The following RIPK4 variants were observed in gnomAD, a reference collection of about 807,000 sequenced individuals.
RIPK4 encodes the protein receptor-interacting serine/threonine-protein kinase 4.
A neutral mutation model predicts 42.9 loss-of-function variants in RIPK4; 17 were observed. The observed-to-expected ratio is 0.40, with a 90% confidence interval of 0.27 to 0.59. The LOEUF (loss-of-function observed/expected upper bound fraction) is 0.59. Among genes scored for constraint, RIPK4 ranks in the 20% least tolerant of loss-of-function variants. The pLI is 0.47. For missense variants in RIPK4, 897 were observed against 1,104.4 expected, an observed-to-expected ratio of 0.81 and a Z score of 2.66; for synonymous variants, 498 against 499.1, an observed-to-expected ratio of 1.00 and a Z score of 0.03.
chr21:41,739,615 G>A lies in RIPK4; in HGVS notation c.*1223C>T, dbSNP rs1474327671. 2.0e-5 allele frequency: 3 copies of A among 152,186 alleles called. No homozygotes were observed. Among genetic ancestry groups the A allele is most frequent in the African/African-American group, 2.4e-5 (1 of 41,420 alleles). The allele number at this position is 152,186 out of a possible 1,614,324, so 9.4% of individuals were successfully genotyped here. On this transcript the variant is annotated 3_prime_UTR_variant, in exon 8 of 8. Transcript: ENST00000332512. ...GGTACATGTTTGCACGCAGGGTCAC[G>A]TTCTGCAACAAACTTATTCTAATAA... is the stretch of plus-strand genomic sequence containing the variant.
chr21:41,756,812 G>A lies in RIPK4; in HGVS notation c.187C>T (p.Arg63Cys), dbSNP rs775922025. Residue 63 changes from arginine (R) to cysteine (C), a missense_variant, in exon 2 of 8, where the codon CGC becomes TGC. Transcript: ENST00000332512. ...SPSLHVDDRE[R>C]MELLEEAKKM... is the part of the protein sequence containing the mutation. ...TTGGCTTCTTCCAAAAGCTCCATGC[G>A]CTCCCTGAAAAAGTTCAAAGGCATG... is the stretch of plus-strand genomic sequence containing the variant. 1.1e-5 allele frequency: 17 copies of A among 1,611,190 alleles called. 1 individual carries two copies. The highest frequency in any genetic ancestry group is 5.5e-5 in the South Asian group (5 of 91,048).
chr21:41,760,195 T>G (rs2061216593), intron 1 of RIPK4, among the ~76,000 whole-genome samples: 1 of 152,236 alleles, frequency 6.6e-6, no homozygotes, highest in African/African-American at 2.4e-5. Flanking sequence ...AATAAACTAC[T>G]ACTGTCCAGA....
At chr21:41,756,282 C>T (rs901979377) in intron 2 of RIPK4, among the ~76,000 whole-genome samples, 3 of 152,204 alleles carry the variant, frequency 2.0e-5, no homozygotes, top group Non-Finnish European at 2.9e-5. Flanking sequence ...GGGGGAACAG[C>T]CCCCATGTTC....
chr21:41,747,518 G>C (rs760800690), intron 4 of RIPK4, among the ~76,000 whole-genome samples: 36 of 152,138 alleles, frequency 2.4e-4, no homozygotes, highest in Non-Finnish European at 4.1e-4. Flanking sequence ...CTGCCCTCCA[G>C]ATCCAAACAC....
intron 1 of RIPK4, among the ~76,000 whole-genome samples, chr21:41,757,701 T>C (rs1256366245): frequency 6.6e-6 from 1 of 151,498 alleles, no homozygotes. Flanking sequence ...CCAGCCATTT[T>C]TTAAAATAAA....
chr21:41,762,920 C>T (rs1037449674), intron 1 of RIPK4, among the ~76,000 whole-genome samples: 6 of 152,116 alleles, frequency 3.9e-5, no homozygotes, highest in Middle Eastern at 3.4e-3. Flanking sequence ...GTGAAGTCAA[C>T]GTTTCTGGGT....
chr21:41,766,227 CCGAGCCCCGGAGCTCCACCGCG>C (rs1252660859), intron 1 of RIPK4, among the ~76,000 whole-genome samples: 1 of 152,230 alleles, frequency 6.6e-6, no homozygotes, highest in African/African-American at 2.4e-5. Context: ...ACTGCCAGGC[CCGAGCCCCGGAGCTCCACCGCG>C]CAAGCGCCGG....
chr21:41,756,403 CAAG>C (rs2061203521), intron 2 of RIPK4, 119 bp downstream of exon 2: 2 of 1,261,440 alleles, frequency 1.6e-6, no homozygotes, highest in African/African-American at 1.5e-5. Flanking sequence ...CTCTTTCCTC[CAAG>C]AAGAACCACC....
chr21:41,746,124 G>A (rs2061170178), intron 5 of RIPK4: 1 of 689,822 alleles, frequency 1.4e-6, no homozygotes, highest in Non-Finnish European at 2.7e-6. Flanking sequence ...GTCACAGGGA[G>A]CAGAGCTGCC....
Position 41,749,213 on chromosome 21 carries a change from A to G in RIPK4, c.624-10T>C, listed in dbSNP as rs2061180812. ...GATGACGATCGCAAAGCTGGAAGAG[A>G]AACCAGGCACGTTAGCATCTGACAG... On this transcript the variant is annotated splice_polypyrimidine_tract_variant and intron_variant, in intron 3 of 7. Transcript: ENST00000332512. The G allele has an allele frequency of 1.9e-6, 3 of 1,613,842 alleles. No individual in the cohort carries two copies. The highest frequency in any genetic ancestry group is 2.5e-6 in the Non-Finnish European group (3 of 1,179,894).
Position 41,741,069 on chromosome 21 carries a change from G to A in RIPK4, c.2124C>T (p.His708=). The change falls in exon 8 of 8, where the codon CAC becomes CAT. Residue 708 remains histidine, a synonymous_variant. Coordinates refer to ENST00000332512, the MANE Select transcript of RIPK4 (RefSeq NM_020639.3). ...ARGPLNQTAL[H]LAAAHGHSEV... is the part of the protein sequence containing the mutation. ...CCGAGTGCCCGTGGGCGGCAGCCAGGTGCAGCGCCGTCTGGTTCAGGGGTC... is the reference window on the plus strand; with the variant it reads ...CCGAGTGCCCGTGGGCGGCAGCCAGATGCAGCGCCGTCTGGTTCAGGGGTC... The A allele has an allele frequency of 6.2e-7, 1 of 1,611,276 alleles. No homozygotes were observed.
rs921241092 is a variant in RIPK4 at position 41,742,893 on chromosome 21, C to T, written c.1196-896G>A. On this transcript the variant is annotated intron_variant, in intron 7 of 7. Coordinates refer to ENST00000332512, the MANE Select transcript of RIPK4 (RefSeq NM_020639.3). The surrounding 1 kb of genome is among the most constrained non-coding windows in gnomAD (Gnocchi z 5.1). ...GTATTTCTTTCTGCTCAGTCTTAGA[C>T]TTTGCCCTGACTCTCCTCCTCAAGC... Among the ~76,000 whole-genome samples the T allele has an allele frequency of 6.6e-6, 1 of 152,198 alleles. No homozygotes were observed. The highest frequency in any genetic ancestry group is 1.5e-5 in the Non-Finnish European group (1 of 68,042).
chr21:41,747,859 G>A (rs190902275), intron 4 of RIPK4, among the ~76,000 whole-genome samples: 4 of 152,276 alleles, frequency 2.6e-5, no homozygotes, highest in East Asian at 3.9e-4. Context: ...TTTGCCTGAG[G>A]TTGCAATTTT....
At chr21:41,749,086 C>A in intron 4 of RIPK4, 68 bp downstream of exon 4, 1 of 1,532,008 alleles carries the variant, frequency 6.5e-7, no homozygotes, top group South Asian at 1.1e-5. Flanking sequence ...AGAGAAAGGA[C>A]AACAAGGTGT....
chr21:41,763,741 A>G (rs1379786259), intron 1 of RIPK4, among the ~76,000 whole-genome samples: 2 of 152,176 alleles, frequency 1.3e-5, no homozygotes, highest in African/African-American at 4.8e-5. Flanking sequence ...GGCTTGTCCA[A>G]TCGTCAGCTC....
At chr21:41,760,533 C>T (rs766716623) in intron 1 of RIPK4, among the ~76,000 whole-genome samples, 2 of 152,286 alleles carry the variant, frequency 1.3e-5, no homozygotes, top group South Asian at 4.1e-4. Flanking sequence ...CAGGGGCACC[C>T]GGGAGGCCAG....
chr21:41,763,659 C>A (rs1323458397), intron 1 of RIPK4, among the ~76,000 whole-genome samples: 1 of 152,218 alleles, frequency 6.6e-6, no homozygotes, highest in Admixed American at 6.5e-5. Context: ...CTTCTGCACA[C>A]CAATCCAATT....
At position 41,755,100 on chromosome 21, in the gene RIPK4, A is replaced by G. The variant is rs982378920; in HGVS notation, c.474+1425T>C. Reference sequence around the variant, plus strand: ...GTGCTACCTAGAAACAAGCCCGTAAATGTTGGCGGGAATGGGGGGTCCGCA... The same window carrying G: ...GTGCTACCTAGAAACAAGCCCGTAAGTGTTGGCGGGAATGGGGGGTCCGCA... On this transcript the variant is annotated intron_variant, in intron 2 of 7. Coordinates refer to ENST00000332512, the MANE Select transcript of RIPK4 (RefSeq NM_020639.3). This position sits in a 1 kb window ranked among gnomAD's most constrained non-coding sequence, Gnocchi z 4.2. Among the ~76,000 whole-genome samples the G allele has an allele frequency of 1.3e-4, 20 of 151,970 alleles. 2 individuals are homozygous for G. Among genetic ancestry groups the G allele is most frequent in the Non-Finnish European group, 1.5e-5 (1 of 67,980 alleles).
intron 1 of RIPK4, among the ~76,000 whole-genome samples, chr21:41,765,089 A>G (rs184722785): frequency 1.3e-3 from 199 of 152,354 alleles, no homozygotes; most frequent in African/African-American, 4.7e-3. Flanking sequence ...CGCTAGAAAT[A>G]ACAGAAGATC....
Sources: gnomAD v4.1 joint callset for allele counts (sites outside exome capture counted in the v4.1 genomes callset) on GRCh38, gnomAD v4.1.1 for gene constraint, Gnocchi (gnomAD v3.1) non-coding constraint, MANE v1.5 for transcripts, NCBI Gene and HGNC (gene_info 2026-07-23, HGNC 2026-07-21) for gene names.